The following SORCS2 variants were observed in gnomAD, a reference collection of about 807,000 sequenced individuals.
The protein encoded by SORCS2 is VPS10 domain-containing receptor SorCS2.
A neutral mutation model predicts 141.6 loss-of-function variants in SORCS2; 100 were observed. The observed-to-expected ratio is 0.71, with a 90% CI of 0.60 to 0.83. The LOEUF is 0.83. Ranked by LOEUF, SORCS2 falls within the 40% of genes least tolerant of loss-of-function variation. The pLI, the probability that SORCS2 is intolerant of heterozygous loss-of-function variation, is 0.00. For missense variants in SORCS2, 1,646 were observed against 1,560.2 expected (o/e 1.05, Z -0.93); for synonymous variants, 789 against 676.9 (o/e 1.17, Z -2.57).
In SORCS2 at chr4:7,561,458, A is replaced by G. The variant is rs1225560980; in HGVS notation, c.648+29829A>G. 3.9e-5 allele frequency among the ~76,000 whole-genome samples: 5 copies of G among 127,356 alleles called. No individual in the cohort carries two copies. The East Asian group carries it at 9.9e-4, about 25-fold the overall frequency. 83.6% of individuals were successfully genotyped at this position (127,356 alleles called of 152,430 possible). A position where few individuals can be genotyped will look rare whatever the true frequency, so the allele number is the denominator to read the frequency against. On this transcript the variant is annotated intron_variant, in intron 3 of 26. Transcript: ENST00000507866. Reference sequence around the variant, plus strand: ...TACCTATTCATCCACCTACCAATCCATCTATCCATTCATCCATCTACCTGT... The same window carrying G: ...TACCTATTCATCCACCTACCAATCCGTCTATCCATTCATCCATCTACCTGT...
rs60884163 is a variant in SORCS2 at position 7,373,458 on chromosome 4, T to TATA, written c.481-22830_481-22829insATA. ...TGTTGTATTGAATTGTGAGAAACTT[T>TATA]TATATATATATATATATATATTTTT... is the stretch of plus-strand genomic sequence containing the variant. On this transcript the variant is annotated intron_variant, in intron 1 of 26. Coordinates refer to ENST00000507866, the MANE Select transcript of SORCS2 (RefSeq NM_020777.3). Among the ~76,000 whole-genome samples, 12 of 82,824 alleles carry TATA rather than the reference T, an allele frequency of 1.4e-4. 2 individuals carry two copies. In the East Asian group the frequency reaches 3.1e-3, roughly 21 times the overall value. 54.3% of individuals were successfully genotyped at this position (82,824 alleles called of 152,430 possible). A position where few individuals can be genotyped will look rare whatever the true frequency, so the allele number is the denominator to read the frequency against.
chr4:7,292,192 A>T (rs1482541672), intron 1 of SORCS2, among the ~76,000 whole-genome samples: 1 of 151,212 alleles, frequency 6.6e-6, no homozygotes, highest in South Asian at 2.1e-4. Flanking sequence ...CACCATTGAC[A>T]GTCTGTTCAC....
intron 2 of SORCS2, among the ~76,000 whole-genome samples, chr4:7,524,958 CT>C (rs1199664315): frequency 1.3e-5 from 2 of 152,366 alleles, no homozygotes; most frequent in East Asian, 3.9e-4. Flanking sequence ...CACCCCTGGT[CT>C]GCAACAGAAA....
Position 7,718,160 on chromosome 4 carries a change from C to G in SORCS2, c.2401C>G (p.Leu801Val). Reference sequence around the variant, plus strand: ...GGCCGTGCGGCCTGGAGAGGACGTCCTGTTTGTGGTGCGGCAGGAGCAGGT... The same window carrying G: ...GGCCGTGCGGCCTGGAGAGGACGTCGTGTTTGTGGTGCGGCAGGAGCAGGT... ...AVAVRPGEDV[L>V]FVVRQEQGDV... The change falls in exon 18 of 27, where the codon CTG becomes GTG. Residue 801 changes from leucine (L) to valine (V), a missense_variant. By Grantham distance (32) the Leu-to-Val change is conservative. Transcript: ENST00000507866. 1.2e-6 allele frequency: 2 copies of G among 1,611,120 alleles called. No homozygotes were observed. Among genetic ancestry groups the G allele is most frequent in the Non-Finnish European group, 1.7e-6 (2 of 1,179,236 alleles).
intron 2 of SORCS2, among the ~76,000 whole-genome samples, chr4:7,498,122 A>G (rs894218140): frequency 7.2e-5 from 11 of 152,212 alleles, no homozygotes; most frequent in Non-Finnish European, 1.6e-4. Flanking sequence ...CTGGGGGGCC[A>G]GGATGAGTCT....
chr4:7,709,352 G>C (rs968976565), intron 14 of SORCS2, among the ~76,000 whole-genome samples: 1 of 152,170 alleles, frequency 6.6e-6, no homozygotes, highest in African/African-American at 2.4e-5. Flanking sequence ...CCTTCGCCCC[G>C]GCTGTCATGA....
intron 1 of SORCS2, among the ~76,000 whole-genome samples, chr4:7,270,142 A>G (rs1344390112): frequency 6.6e-6 from 1 of 152,242 alleles, no homozygotes; most frequent in Admixed American, 6.5e-5. Flanking sequence ...TGGCCTCCCA[A>G]AGTGCTGGGA....
At chr4:7,592,175 TGGC>T (rs1716964402) in intron 3 of SORCS2, among the ~76,000 whole-genome samples, 1 of 152,096 alleles carries the variant, frequency 6.6e-6, no homozygotes, top group Admixed American at 6.5e-5. Flanking sequence ...CTGTTGTTTA[TGGC>T]GGCCTTGCCT....
At chr4:7,448,055 T>C (rs1301535861) in intron 2 of SORCS2, among the ~76,000 whole-genome samples, 2 of 152,198 alleles carry the variant, frequency 1.3e-5, no homozygotes, top group Non-Finnish European at 2.9e-5. Flanking sequence ...CTCGCTCTTC[T>C]TCACCCTGTG....
At chr4:7,598,247 G>A (rs6840260) in intron 3 of SORCS2, among the ~76,000 whole-genome samples, 7,998 of 152,156 alleles carry the variant, frequency 0.053, 284 homozygotes, top group African/African-American at 0.078. Flanking sequence ...GATTACAGGC[G>A]TGAGCCACTG....
chr4:7,239,595 T>G (rs921239516), intron 1 of SORCS2, among the ~76,000 whole-genome samples: 1 of 152,188 alleles, frequency 6.6e-6, no homozygotes, highest in Non-Finnish European at 1.5e-5. Context: ...GAGGGCTGGT[T>G]TGTTTGCTAA....
intron 9 of SORCS2, among the ~76,000 whole-genome samples, chr4:7,676,742 CCACCCCCGCCCTGTCA>C (rs1723145678): frequency 2.7e-5 from 4 of 147,040 alleles, no homozygotes; most frequent in Non-Finnish European, 4.5e-5. Flanking sequence ...CTCCCTCTCT[CCACCCCCGCCCTGTCA>C]TCTCCTCCTT....
intron 2 of SORCS2, among the ~76,000 whole-genome samples, chr4:7,397,390 G>A (rs960870495): frequency 2.4e-4 from 37 of 151,944 alleles, no homozygotes; most frequent in African/African-American, 8.9e-4. Flanking sequence ...CAAGCTCAGG[G>A]TTTAAGACAC....
chr4:7,395,540 C>CT (rs1560249513), intron 1 of SORCS2, among the ~76,000 whole-genome samples: 1 of 152,188 alleles, frequency 6.6e-6, no homozygotes, highest in South Asian at 2.1e-4. Flanking sequence ...CACCCCCCAA[C>CT]TTTTTTTGTT....
chr4:7,647,385 C>T (rs917769905), intron 4 of SORCS2, among the ~76,000 whole-genome samples: 8 of 152,120 alleles, frequency 5.3e-5, no homozygotes, highest in African/African-American at 1.7e-4. Flanking sequence ...GTACCAGGAG[C>T]GCAAAGTATT....
At position 7,360,871 on chromosome 4, in the gene SORCS2, C is replaced by T. The variant is rs7683584; in HGVS notation, c.481-35417C>T. Reference sequence around the variant, plus strand: ...AAGTGCTGGGATTACAGCCACTGCCCGGCCCGCCCAGTCCCTTCTTCATGC... The same window carrying T: ...AAGTGCTGGGATTACAGCCACTGCCTGGCCCGCCCAGTCCCTTCTTCATGC... On this transcript the variant is annotated intron_variant, in intron 1 of 26. Transcript: ENST00000507866. Among the ~76,000 whole-genome samples, 378 of 151,770 alleles carry T rather than the reference C, an allele frequency of 2.5e-3. 1 individual carries two copies. The highest frequency in any genetic ancestry group is 8.4e-3 in the African/African-American group (348 of 41,364).
intron 22 of SORCS2, among the ~76,000 whole-genome samples, chr4:7,729,006 C>G (rs1197266818): frequency 1.3e-5 from 2 of 152,190 alleles, no homozygotes; most frequent in South Asian, 4.1e-4. Context: ...CTTCCCCTCC[C>G]GTGAATAATG....
At chr4:7,527,128 G>T (rs930990617) in intron 2 of SORCS2, among the ~76,000 whole-genome samples, 4 of 152,080 alleles carry the variant, frequency 2.6e-5, no homozygotes, top group Non-Finnish European at 5.9e-5. Context: ...ACCTCCGGCC[G>T]CCCTGTTGTC....
At chr4:7,362,956 CCAT>C (rs1721675514) in intron 1 of SORCS2, among the ~76,000 whole-genome samples, 4 of 149,760 alleles carry the variant, frequency 2.7e-5, no homozygotes, top group East Asian at 2.0e-4. Flanking sequence ...ACCATCACCA[CCAT>C]CATTACTGCA....
Sources: allele counts gnomAD v4.1 joint callset (sites outside exome capture counted in the v4.1 genomes callset), GRCh38; gene constraint gnomAD v4.1.1; transcripts MANE v1.5; gene names NCBI Gene and HGNC (gene_info 2026-07-23, HGNC 2026-07-21).